Variants in PEX1 observed in about 807,000 individuals in gnomAD.
PEX1 encodes the protein peroxisomal ATPase PEX1.
PEX1 carries 97 observed loss-of-function variants against 152.5 expected under a neutral mutation model. The observed-to-expected ratio is 0.64, with a 90% CI of 0.54 to 0.75. The LOEUF (loss-of-function observed/expected upper bound fraction) is 0.75. Among genes scored for constraint, PEX1 ranks in the 30% least tolerant of loss-of-function variants. PEX1 has a pLI of 0.00. For synonymous variants in PEX1, 485 were observed against 531.6 expected, an observed-to-expected ratio of 0.91 and a Z score of 1.21; for missense variants, 1,357 against 1,516.3, an observed-to-expected ratio of 0.89 and a Z score of 1.74.
intron 14 of PEX1, 95 bp downstream of exon 14, chr7:92,501,795 T>A: frequency 7.3e-7 from 1 of 1,362,234 alleles, no homozygotes; most frequent in African/African-American, 1.4e-5. Context: ...ATTCAAATAC[T>A]ACAATGGAAT....
At chr7:92,507,247 T>C (rs1024795226) in intron 9 of PEX1, 121 bp from the exon 10 acceptor site, 38 of 724,922 alleles carry the variant, frequency 5.2e-5, no homozygotes, top group Non-Finnish European at 7.6e-5. Flanking sequence ...TTTTTTATCT[T>C]TTTTTTTTTG....
chr7:92,528,301 G>C lies in PEX1; in HGVS notation c.129+6C>G, dbSNP rs750138034. 5 of 1,555,326 alleles carry C rather than the reference G, an allele frequency of 3.2e-6. No homozygotes were observed. The South Asian group carries it at 5.9e-5, about 18-fold the overall frequency. Reference sequence around the variant, plus strand: ...AAGATCAGGTGGCTCGGGGCCGGCAGGTTACCTGCAGCAGATGCAGCTGGG... The same window carrying C: ...AAGATCAGGTGGCTCGGGGCCGGCACGTTACCTGCAGCAGATGCAGCTGGG... On this transcript the variant is annotated splice_donor_region_variant and intron_variant, in intron 1 of 23. Transcript: ENST00000248633.
chr7:92,491,079 C>CA (rs1206417977), intron 21 of PEX1, among the ~76,000 whole-genome samples, 193 bp downstream of exon 21: 1 of 152,202 alleles, frequency 6.6e-6, no homozygotes, highest in Non-Finnish European at 1.5e-5. Flanking sequence ...TCCTTGCTCC[C>CA]AGCCCTGTCT....
chr7:92,523,169 GAT>G (rs1446159196), intron 1 of PEX1, among the ~76,000 whole-genome samples: 4 of 152,284 alleles, frequency 2.6e-5, no homozygotes, highest in Admixed American at 2.6e-4. Context: ...ATGAACTACT[GAT>G]ATTCTCTCCA....
chr7:92,516,972 A>G (rs1036220627), intron 5 of PEX1, among the ~76,000 whole-genome samples: 9 of 152,170 alleles, frequency 5.9e-5, no homozygotes, highest in African/African-American at 2.2e-4. Context: ...CCCCAAGTCA[A>G]TCTGCCTGGG....
intron 11 of PEX1, 150 bp downstream of exon 11, chr7:92,506,098 G>GCC: frequency 2.3e-5 from 1 of 44,210 alleles, no homozygotes; most frequent in South Asian, 3.4e-4. Flanking sequence ...AAAAACATTA[G>GCC]AAAGCCAAAG....
intron 16 of PEX1, among the ~76,000 whole-genome samples, chr7:92,496,998 G>A (rs942822916): frequency 6.6e-6 from 1 of 152,066 alleles, no homozygotes; most frequent in African/African-American, 2.4e-5. Context: ...CTCATGGCTT[G>A]TTGCTTCATT....
intron 15 of PEX1, among the ~76,000 whole-genome samples, chr7:92,501,299 G>C (rs1371768183): frequency 6.6e-6 from 1 of 152,106 alleles, no homozygotes; most frequent in Non-Finnish European, 1.5e-5. Flanking sequence ...CTAGATGACA[G>C]AGTGAGGTCT....
chr7:92,519,786 G>A (rs1792973491), intron 2 of PEX1, among the ~76,000 whole-genome samples: 1 of 152,136 alleles, frequency 6.6e-6, no homozygotes, highest in East Asian at 1.9e-4. Context: ...TTAAATATAT[G>A]TAACACTAGT....
In PEX1 at chr7:92,513,956, G is replaced by T. The variant is rs1458830864; in HGVS notation, c.1251C>A (p.Asp417Glu). The part of the protein sequence containing the change: ...LHLGKVWIPD[D>E]LRKRLNIEMH... Reference sequence around the variant, plus strand: ...TTTCTATATTTAGTCTCTTCCTCAGGTCATCTGGAATCTGAAATTTAAAAA... The same window carrying T: ...TTTCTATATTTAGTCTCTTCCTCAGTTCATCTGGAATCTGAAATTTAAAAA... Residue 417 changes from aspartate to glutamate, a missense_variant, in exon 6 of 24, where the codon GAC becomes GAA. By Grantham distance (45) the Asp-to-Glu change is conservative. Coordinates refer to ENST00000248633, the MANE Select transcript of PEX1 (RefSeq NM_000466.3). 6.4e-7 allele frequency: 1 copy of T among 1,571,292 alleles called. No homozygotes were observed. Among genetic ancestry groups the T allele is most frequent in the South Asian group, 1.1e-5 (1 of 87,972 alleles).
At chr7:92,503,632 G>A (rs1792040247) in intron 12 of PEX1, among the ~76,000 whole-genome samples, 1 of 152,040 alleles carries the variant, frequency 6.6e-6, no homozygotes, top group African/African-American at 2.4e-5. Context: ...GGTTTCATAT[G>A]AGAAGGTCAG....
chr7:92,518,146 T>C lies in PEX1; in HGVS notation c.467A>G (p.Gln156Arg). Residue 156 changes from glutamine (Q) to arginine (R), a missense_variant, in exon 4 of 24, where the codon CAA becomes CGA. Coordinates refer to ENST00000248633, the MANE Select transcript of PEX1 (RefSeq NM_000466.3). ...WVDQQTYIFI[Q>R]IVALIPAASY... ...AATATTACAATAGCACCTACCAATT[T>C]GGATAAATATGTACGTTTGTTGATC... is the stretch of plus-strand genomic sequence containing the variant. 1 of 1,611,014 alleles carries C rather than the reference T, an allele frequency of 6.2e-7. No individual in the cohort carries two copies. The highest frequency in any genetic ancestry group is 1.1e-5 in the South Asian group (1 of 90,996).
At chr7:92,508,713 T>C (rs1792315548) in intron 9 of PEX1, among the ~76,000 whole-genome samples, 1 of 152,150 alleles carries the variant, frequency 6.6e-6, no homozygotes, top group Non-Finnish European at 1.5e-5. Flanking sequence ...GTAGTGTTTA[T>C]AAGAGATTCT....
intron 1 of PEX1, among the ~76,000 whole-genome samples, chr7:92,527,156 T>C (rs895792619): frequency 6.6e-6 from 1 of 151,850 alleles, no homozygotes; most frequent in African/African-American, 2.4e-5. Flanking sequence ...GGCTCAAAAT[T>C]TAAAACAAAG....
At chr7:92,504,618 C>A (rs1489187971) in intron 12 of PEX1, 114 bp downstream of exon 12, 1 of 1,110,484 alleles carries the variant, frequency 9.0e-7, no homozygotes, top group Non-Finnish European at 1.3e-6. Flanking sequence ...GCCTCAAACA[C>A]AACACTTAAC....
At chr7:92,490,037 TA>T in intron 21 of PEX1, 126 bp from the exon 22 acceptor site, 1 of 783,590 alleles carries the variant, frequency 1.3e-6, no homozygotes, top group South Asian at 1.6e-5. Flanking sequence ...GTATACATGT[TA>T]ATTAACTGAA....
rs1585248089 is a variant in PEX1 at position 92,513,867 on chromosome 7, A to C, written c.1340T>G (p.Leu447Ter). ...ACTCACTAAATTCTCTCTAGGTTGTAACTTTAGAGATCTTGGAATTTTAGG... is the reference window on the plus strand; with the variant it reads ...ACTCACTAAATTCTCTCTAGGTTGTCACTTTAGAGATCTTGGAATTTTAGG... ...VTPKIPRSLK[L>*]QPRENLPKDI... is the part of the protein sequence containing the mutation. Residue 447 changes from leucine to a stop codon, truncating the protein, a stop_gained, in exon 6 of 24, where the codon TTA (leucine) becomes TGA (stop). Coordinates refer to ENST00000248633, the MANE Select transcript of PEX1 (RefSeq NM_000466.3). LOFTEE classifies it high-confidence loss of function. The C allele has an allele frequency of 1.3e-6, 2 of 1,599,832 alleles. No homozygotes were observed. The highest frequency in any genetic ancestry group is 1.7e-6 in the Non-Finnish European group (2 of 1,167,554).
chr7:92,524,314 C>T (rs940515976), intron 1 of PEX1, among the ~76,000 whole-genome samples: 1 of 150,136 alleles, frequency 6.7e-6, no homozygotes, highest in African/African-American at 2.5e-5. Flanking sequence ...GTCACCCAGG[C>T]TGGAGGGCAG....
intron 20 of PEX1, 144 bp downstream of exon 20, chr7:92,492,809 A>G (rs1791410929): frequency 1.4e-6 from 1 of 707,362 alleles, no homozygotes; most frequent in Admixed American, 2.1e-5. Context: ...CCAACTATGG[A>G]ACATTCAACT....
Sources: allele counts gnomAD v4.1 joint callset (sites outside exome capture counted in the v4.1 genomes callset), GRCh38; gene constraint gnomAD v4.1.1; transcripts MANE v1.5; gene names NCBI Gene and HGNC (gene_info 2026-07-23, HGNC 2026-07-21).